The following LRRTM4 variants were observed in gnomAD, a reference collection of about 807,000 sequenced individuals.
The protein encoded by LRRTM4 is leucine rich repeat transmembrane neuronal 4, also known as leucine-rich repeat transmembrane neuronal protein 4.
LRRTM4 carries 25 observed loss-of-function variants against 47.6 expected under a neutral mutation model. The observed-to-expected ratio is 0.53, with a 90% CI of 0.38 to 0.73. The LOEUF is 0.73. Ranked by LOEUF, LRRTM4 falls within the 30% of genes least tolerant of loss-of-function variation. The pLI is 0.00. For synonymous variants in LRRTM4, 311 were observed against 269.5 expected, an observed-to-expected ratio of 1.15 and a Z score of -1.51; for missense variants, 638 against 713.4, an observed-to-expected ratio of 0.89 and a Z score of 1.20.
intron 3 of LRRTM4, among the ~76,000 whole-genome samples, chr2:76,883,701 G>C (rs867884517): frequency 3.3e-5 from 5 of 152,138 alleles, no homozygotes; most frequent in African/African-American, 7.2e-5. Flanking sequence ...ACTTGGAGCA[G>C]AGTCACAGTC....
chr2:76,983,756 C>A (rs1676694067), intron 3 of LRRTM4, among the ~76,000 whole-genome samples: 1 of 151,988 alleles, frequency 6.6e-6, no homozygotes, highest in Non-Finnish European at 1.5e-5. Flanking sequence ...TTCCAATCAT[C>A]TTCACAAATT....
At chr2:76,797,854 C>G (rs1433240029) in intron 3 of LRRTM4, among the ~76,000 whole-genome samples, 1 of 151,580 alleles carries the variant, frequency 6.6e-6, no homozygotes, top group Admixed American at 6.6e-5. Flanking sequence ...CAACAAAGAT[C>G]AAAAGAGACA....
rs1288343195 is a variant in LRRTM4, at chr2:77,438,390, ATAATTTTTTT to A, written c.1551+79918_1551+79927del. 4.2e-5 allele frequency among the ~76,000 whole-genome samples: 6 copies of A among 141,890 alleles called. No individual in the cohort carries two copies. In the East Asian group the frequency reaches 6.4e-4, roughly 15 times the overall value. 93.1% of individuals were successfully genotyped at this position (141,890 alleles called of 152,430 possible). A position where few individuals can be genotyped will look rare whatever the true frequency, so the allele number is the denominator to read the frequency against. On this transcript the variant is annotated intron_variant, in intron 3 of 3. Coordinates refer to ENST00000409884, the MANE Select transcript of LRRTM4 (RefSeq NM_001134745.3). Reference sequence around the variant, plus strand: ...AGCTACATTTTCGCTCTCGATCATGATAATTTTTTTTTTTTTTTTTTTTTTTTTTTTTTTG... The same window carrying A: ...AGCTACATTTTCGCTCTCGATCATGATTTTTTTTTTTTTTTTTTTTTTTTG...
Position 76,983,868 on chromosome 2 carries a change from T to C in LRRTM4, c.1552-234952A>G, listed in dbSNP as rs1156653576. 1.3e-5 allele frequency among the ~76,000 whole-genome samples: 2 copies of C among 152,044 alleles called. 1 individual carries two copies. The highest frequency in any genetic ancestry group is 2.9e-5 in the Non-Finnish European group (2 of 67,992). On this transcript the variant is annotated intron_variant, in intron 3 of 3. Transcript: ENST00000409884. ...ACAAAGTTTAGAGACAAACAGCTAA[T>C]CAAATCGGTGATACTGGGCCACAAG...
chr2:77,147,357 G>A (rs1010514851), intron 3 of LRRTM4, among the ~76,000 whole-genome samples: 1 of 152,056 alleles, frequency 6.6e-6, no homozygotes, highest in African/African-American at 2.4e-5. Flanking sequence ...ATATGTTCCA[G>A]GAGCACATTT....
chr2:77,022,375 C>T (rs1379486180), intron 3 of LRRTM4, among the ~76,000 whole-genome samples: 1 of 152,028 alleles, frequency 6.6e-6, no homozygotes, highest in Non-Finnish European at 1.5e-5. Context: ...CCTGCCCCTC[C>T]AAATCCCATG....
rs557712305 is a variant in LRRTM4 at position 76,835,910 on chromosome 2, A to T, written c.1552-86994T>A. 3.3e-5 allele frequency among the ~76,000 whole-genome samples: 5 copies of T among 152,086 alleles called. No homozygotes were observed. In the South Asian group the frequency reaches 1.0e-3, roughly 31 times the overall value. ...GAGTGAATAATCATGTGAAATCCAC[A>T]GGACTATTTTAATTTAATATTATAG... On this transcript the variant is annotated intron_variant, in intron 3 of 3. Transcript: ENST00000409884.
intron 3 of LRRTM4, among the ~76,000 whole-genome samples, chr2:76,956,465 G>A (rs1675678143): frequency 6.6e-6 from 1 of 151,444 alleles, no homozygotes; most frequent in African/African-American, 2.4e-5. Flanking sequence ...AAAGGCAGTA[G>A]TAAAAGGGAA....
At position 76,948,740 on chromosome 2, in the gene LRRTM4, C is replaced by T. The variant is rs188422702; in HGVS notation, c.1552-199824G>A. 2.0e-4 allele frequency among the ~76,000 whole-genome samples: 30 copies of T among 151,732 alleles called. No homozygotes were observed. In the East Asian group the frequency reaches 5.6e-3, roughly 29 times the overall value. ...ACTGGAGGAAGTAATAATGATTTGC[C>T]ACAAGTTATAAGGACTCATTGAATA... is the stretch of plus-strand genomic sequence containing the variant. On this transcript the variant is annotated intron_variant, in intron 3 of 3. Coordinates refer to ENST00000409884, the MANE Select transcript of LRRTM4 (RefSeq NM_001134745.3).
chr2:77,443,826 T>C (rs13398661), intron 3 of LRRTM4, among the ~76,000 whole-genome samples: 61 of 152,216 alleles, frequency 4.0e-4, no homozygotes, highest in African/African-American at 1.4e-3. Context: ...GTTAAATGTT[T>C]TCACCAAACT....
chr2:77,065,654 CTCAG>C (rs921607222), intron 3 of LRRTM4, among the ~76,000 whole-genome samples: 1 of 152,024 alleles, frequency 6.6e-6, no homozygotes, highest in African/African-American at 2.4e-5. Context: ...GAGAAATATA[CTCAG>C]TATTAGGAAA....
At chr2:77,200,139 C>T (rs1232023168) in intron 3 of LRRTM4, among the ~76,000 whole-genome samples, 1 of 151,904 alleles carries the variant, frequency 6.6e-6, no homozygotes, top group Non-Finnish European at 1.5e-5. Context: ...CCATGGAACC[C>T]CTATTTCTTT....
chr2:77,342,989 G>A (rs1463071822), intron 3 of LRRTM4, among the ~76,000 whole-genome samples: 1 of 151,944 alleles, frequency 6.6e-6, no homozygotes, highest in Non-Finnish European at 1.5e-5. Flanking sequence ...AAAAGACTGT[G>A]ATAAAGTGGT....
In LRRTM4 at chr2:77,241,295, C is replaced by T. The variant is rs908827603; in HGVS notation, c.1551+277023G>A. 7.9e-5 allele frequency among the ~76,000 whole-genome samples: 12 copies of T among 151,744 alleles called. No individual in the cohort carries two copies. The South Asian group carries it at 1.0e-3, about 13-fold the overall frequency. On this transcript the variant is annotated intron_variant, in intron 3 of 3. Coordinates refer to ENST00000409884, the MANE Select transcript of LRRTM4 (RefSeq NM_001134745.3). ...ATAAATGGTTGATTGGTTTGACGAT[C>T]GCACAAAGGTATTTGAATGGAAAGA...
chr2:77,036,654 T>C (rs1678848020), intron 3 of LRRTM4, among the ~76,000 whole-genome samples: 1 of 151,766 alleles, frequency 6.6e-6, no homozygotes, highest in Admixed American at 6.6e-5. Context: ...TATTTCTTTG[T>C]AGTCTCCTAA....
intron 3 of LRRTM4, among the ~76,000 whole-genome samples, chr2:77,392,465 A>AT (rs1673542384): frequency 6.6e-6 from 1 of 152,074 alleles, no homozygotes. Context: ...TTTGGTTTAC[A>AT]CCATCAATGG....
At chr2:77,370,365 C>G (rs966361315) in intron 3 of LRRTM4, among the ~76,000 whole-genome samples, 1 of 151,700 alleles carries the variant, frequency 6.6e-6, no homozygotes, top group Non-Finnish European at 1.5e-5. Context: ...TACCAAGTTT[C>G]AGCATAATAA....
chr2:77,423,630 G>C (rs146191956), intron 3 of LRRTM4, among the ~76,000 whole-genome samples: 69 of 152,250 alleles, frequency 4.5e-4, no homozygotes, highest in African/African-American at 1.6e-3. Context: ...GGCCAGACTG[G>C]AATAGGATGG....
At chr2:76,880,123 T>A (rs1672887069) in intron 3 of LRRTM4, among the ~76,000 whole-genome samples, 1 of 152,234 alleles carries the variant, frequency 6.6e-6, no homozygotes, top group Non-Finnish European at 1.5e-5. Context: ...ACATGAATTT[T>A]GTTGATAAAG....
Sources: gnomAD v4.1 joint callset for allele counts (sites outside exome capture counted in the v4.1 genomes callset) on GRCh38, gnomAD v4.1.1 for gene constraint, MANE v1.5 for transcripts, NCBI Gene and HGNC (gene_info 2026-07-23, HGNC 2026-07-21) for gene names.